The following APOO variants were observed in gnomAD, a reference collection of about 807,000 sequenced individuals.
APOO encodes the protein apolipoprotein O, also known as MICOS complex subunit MIC26.
In APOO, 11 loss-of-function variants were observed where a neutral mutation model predicts 23.1. The ratio of observed to expected loss-of-function variants is 0.48; its 90% CI spans 0.30 to 0.79. APOO has a LOEUF of 0.79. Ranked by LOEUF, APOO falls within the 30% of genes least tolerant of loss-of-function variation. The pLI, the probability that APOO is intolerant of heterozygous loss-of-function variation, is 0.07. For missense variants in APOO, 160 were observed against 142.7 expected (o/e 1.12, Z -0.62); for synonymous variants, 59 against 54.8 (o/e 1.08, Z -0.34).
At position 23,843,238 on chromosome X, in the gene APOO, C is replaced by T. The variant is rs749255066; in HGVS notation, c.562-2861G>A. Among the ~76,000 whole-genome samples the T allele has an allele frequency of 1.9e-3, 212 of 111,368 alleles. 1 individual carries two copies. Among genetic ancestry groups the T allele is most frequent in the Admixed American group, 5.7e-3 (59 of 10,337 alleles). Reference sequence around the variant, plus strand: ...AGCACACAAAAGCATTCTTCTGATTCAGGAAAACAACTTTGTTGCTAGGAA... The same window carrying T: ...AGCACACAAAAGCATTCTTCTGATTTAGGAAAACAACTTTGTTGCTAGGAA... On this transcript the variant is annotated intron_variant, in intron 7 of 8. Transcript: ENST00000379226.
intron 8 of APOO, chrX:23,840,051 A>C (rs761038282): frequency 5.1e-6 from 1 of 194,229 alleles, no homozygotes; most frequent in Non-Finnish European, 9.3e-6. Context: ...GAATAATGAC[A>C]CTTTTCAATT....
Position 23,881,016 on chromosome X carries a change from T to C in APOO, c.10-64A>G, listed in dbSNP as rs908669978. 2.8e-5 allele frequency: 21 copies of C among 748,020 alleles called. No homozygotes were observed. The African/African-American group carries it at 3.8e-4, about 14-fold the overall frequency. The allele number at this position is 748,020 out of a possible 1,213,427, so 61.6% of individuals were successfully genotyped here. A position where few individuals can be genotyped will look rare whatever the true frequency, so the allele number is the denominator to read the frequency against. On this transcript the variant is annotated intron_variant, in intron 1 of 8. Coordinates refer to ENST00000379226, the MANE Select transcript of APOO (RefSeq NM_024122.5). The stretch of plus-strand genomic sequence containing the variant: ...AGACCGAATGTGCAGAACATGAGCA[T>C]ATTCATAACCTCAGCCACTCCCCAC...
intron 1 of APOO, among the ~76,000 whole-genome samples, chrX:23,905,683 A>T (rs1441476326): frequency 1.8e-5 from 2 of 112,171 alleles, no homozygotes; most frequent in African/African-American, 6.5e-5. Context: ...TTCTAATTGC[A>T]TACAAAAAAG....
intron 1 of APOO, among the ~76,000 whole-genome samples, chrX:23,893,293 G>A (rs1401343811): frequency 2.8e-5 from 3 of 108,025 alleles, no homozygotes; most frequent in Non-Finnish European, 5.7e-5. Context: ...TTAGCCAGGC[G>A]TGGTGGTGGG....
chrX:23,888,140 C>T (rs1926454602), intron 1 of APOO, among the ~76,000 whole-genome samples: 1 of 112,072 alleles, frequency 8.9e-6, no homozygotes, highest in Non-Finnish European at 1.9e-5. Flanking sequence ...GGACCTTAGA[C>T]TCTCTATGTC....
intron 1 of APOO, among the ~76,000 whole-genome samples, chrX:23,882,340 C>T: frequency 8.9e-6 from 1 of 112,263 alleles, no homozygotes; most frequent in Middle Eastern, 4.6e-3. Context: ...TTTTAGCTGG[C>T]ATTACGTTTT....
chrX:23,878,515 T>C (rs1925958932), intron 3 of APOO, among the ~76,000 whole-genome samples: 2 of 112,050 alleles, frequency 1.8e-5, no homozygotes, highest in Non-Finnish European at 3.8e-5. Flanking sequence ...TATACATTTA[T>C]GGGGCACATG....
At chrX:23,907,122 T>C (rs1333004997) in intron 1 of APOO, among the ~76,000 whole-genome samples, 2 of 111,941 alleles carry the variant, frequency 1.8e-5, no homozygotes, top group Admixed American at 9.4e-5. Context: ...TCGATTTTTT[T>C]CCAAAGGACA....
chrX:23,900,264 A>C (rs889605943), intron 1 of APOO, among the ~76,000 whole-genome samples: 4 of 112,200 alleles, frequency 3.6e-5, no homozygotes, highest in Non-Finnish European at 7.5e-5. Context: ...AGTGCTTTGT[A>C]GTTCACGGTT....
At position 23,907,715 on chromosome X, in the gene APOO, G is replaced by C; in HGVS notation, c.-13C>G. On this transcript the variant is annotated 5_prime_UTR_variant, in exon 1 of 9. Coordinates refer to ENST00000379226, the MANE Select transcript of APOO (RefSeq NM_024122.5). ...TCACCTTGAACATGTCGCTGGCAGC[G>C]GAGGCTCCGGCAGGGTCACCCCGGC... The C allele has an allele frequency of 1.7e-6, 2 of 1,159,772 alleles. No individual in the cohort carries two copies. Among genetic ancestry groups the C allele is most frequent in the Non-Finnish European group, 2.3e-6 (2 of 870,298 alleles).
In APOO at chrX:23,897,874, A is replaced by G. The variant is rs1283909989; in HGVS notation, c.9+9820T>C. On this transcript the variant is annotated intron_variant, in intron 1 of 8. Transcript: ENST00000379226. ...TCTGGGAATGGTGGCACGTGCCCATAGTCCCAGCTACCCAGGAGGGTGAGG... is the reference window on the plus strand; with the variant it reads ...TCTGGGAATGGTGGCACGTGCCCATGGTCCCAGCTACCCAGGAGGGTGAGG... 2.8e-5 allele frequency among the ~76,000 whole-genome samples: 3 copies of G among 107,866 alleles called. No individual in the cohort carries two copies. In the East Asian group the frequency reaches 8.9e-4, roughly 32 times the overall value. The allele number at this position is 107,866 out of a possible 115,157, so 93.7% of individuals were successfully genotyped here.
intron 1 of APOO, 38 bp from the exon 2 acceptor site, chrX:23,880,990 C>T: frequency 1.0e-6 from 1 of 988,051 alleles, no homozygotes; most frequent in Non-Finnish European, 1.4e-6. Context: ...CTCTATGTTA[C>T]AGACCGAATG....
At chrX:23,880,289 A>T (rs1926052723) in intron 2 of APOO, among the ~76,000 whole-genome samples, 1 of 111,827 alleles carries the variant, frequency 8.9e-6, no homozygotes, top group Admixed American at 9.6e-5. Context: ...AACATTTATA[A>T]AGTATTCCTT....
Position 23,907,900 on chromosome X carries a change from C to T in APOO, c.-198G>A, listed in dbSNP as rs1315406217. On this transcript the variant is annotated 5_prime_UTR_variant, in exon 1 of 9. Coordinates refer to ENST00000379226, the MANE Select transcript of APOO (RefSeq NM_024122.5). The stretch of plus-strand genomic sequence containing the variant: ...CGGTTCTAGAAGCCGCGTCGCTGAG[C>T]CGCAGCGCGTCGCGCCCGGGCAGCG... 3.7e-5 allele frequency: 16 copies of T among 433,314 alleles called. No individual in the cohort carries two copies. Among genetic ancestry groups the T allele is most frequent in the Non-Finnish European group, 5.4e-5 (15 of 276,423 alleles). The allele number at this position is 433,314 out of a possible 1,213,427, so 35.7% of individuals were successfully genotyped here.
At chrX:23,861,007 G>GC (rs1924998149) in intron 5 of APOO, among the ~76,000 whole-genome samples, 1 of 110,530 alleles carries the variant, frequency 9.0e-6, no homozygotes, top group African/African-American at 3.3e-5. Context: ...AGGTGTGGTG[G>GC]CATGTGCCTG....
At chrX:23,892,348 G>A (rs1926699785) in intron 1 of APOO, among the ~76,000 whole-genome samples, 1 of 108,525 alleles carries the variant, frequency 9.2e-6, no homozygotes, top group Non-Finnish European at 1.9e-5. Flanking sequence ...GCCGTCTCTC[G>A]GATTCAAGCG....
chrX:23,837,851 G>C (rs1985149658), intron 8 of APOO, among the ~76,000 whole-genome samples: 1 of 104,863 alleles, frequency 9.5e-6, no homozygotes, highest in Admixed American at 1.1e-4. Flanking sequence ...GTAGAGACAG[G>C]GTTTCGCCAT....
At position 23,879,026 on chromosome X, in the gene APOO, G is replaced by A. The variant is rs759149235; in HGVS notation, c.126C>T (p.Leu42=). 8.3e-7 allele frequency: 1 copy of A among 1,210,074 alleles called. No individual in the cohort carries two copies. The highest frequency in any genetic ancestry group is 1.1e-6 in the Non-Finnish European group (1 of 894,144). ...TCGATTGACCCTCAGGAACTGAGTA[G>A]AGTGAAAGCTGCGCACATTAAAACA... ...KNSVKVDELS[L]YSVPEGQSKY... Residue 42 remains leucine, a synonymous_variant, in exon 3 of 9, where the codon CTC becomes CTT. Transcript: ENST00000379226.
chrX:23,868,291 G>C (rs1925434550), intron 5 of APOO, among the ~76,000 whole-genome samples: 1 of 112,042 alleles, frequency 8.9e-6, no homozygotes, highest in African/African-American at 3.2e-5. Context: ...GAAACGTTTA[G>C]AAACAGTTGA....
Sources: gnomAD v4.1 joint callset for allele counts (sites outside exome capture counted in the v4.1 genomes callset) on GRCh38, gnomAD v4.1.1 for gene constraint, MANE v1.5 for transcripts, NCBI Gene and HGNC (gene_info 2026-07-23, HGNC 2026-07-21) for gene names.